Variants in LOC400499 observed in about 807,000 individuals in gnomAD.
At chr16:11,498,327 A>C in the LOC400499 span, among the ~76,000 whole-genome samples, 1 of 152,008 alleles carries the variant, frequency 6.6e-6, no homozygotes, top group Non-Finnish European at 1.5e-5. Flanking sequence ...CTAAAAATAC[A>C]AAAAAATTAG....
At chr16:11,452,398 C>A in the LOC400499 span, among the ~76,000 whole-genome samples, 1 of 152,042 alleles carries the variant, frequency 6.6e-6, no homozygotes, top group Non-Finnish European at 1.5e-5. Flanking sequence ...GCCACTGCTG[C>A]GGGAGGCTAG....
At chr16:11,431,166 A>G in the LOC400499 span, 1 of 398,988 alleles carries the variant, frequency 2.5e-6, no homozygotes, top group Non-Finnish European at 4.4e-6. Context: ...TCCATTCCTC[A>G]GATGCCTTGA....
chr16:11,461,531 G>A, the LOC400499 span, among the ~76,000 whole-genome samples: 23 of 152,290 alleles, frequency 1.5e-4, no homozygotes, highest in Middle Eastern at 3.4e-3. Context: ...CAAAAATAAA[G>A]TAGAATAAAA....
At chr16:11,450,805 T>G in the LOC400499 span, 3 of 1,531,980 alleles carry the variant, frequency 2.0e-6, no homozygotes, top group African/African-American at 1.4e-5. Context: ...CCATGGACTA[T>G]CCAGGTTCAA....
At chr16:11,422,290 T>C in the LOC400499 span, among the ~76,000 whole-genome samples, 1 of 152,122 alleles carries the variant, frequency 6.6e-6, no homozygotes, top group Non-Finnish European at 1.5e-5. Context: ...TAATCCCACC[T>C]ACCTGGTGGG....
chr16:11,400,998 G>T, the LOC400499 span, among the ~76,000 whole-genome samples: 1 of 152,154 alleles, frequency 6.6e-6, no homozygotes, highest in Non-Finnish European at 1.5e-5. Context: ...AATCAGAGAC[G>T]CCTGTACCTG....
the LOC400499 span, among the ~76,000 whole-genome samples, chr16:11,525,921 G>C: frequency 1.1e-4 from 16 of 152,284 alleles, no homozygotes; most frequent in East Asian, 1.9e-3. Flanking sequence ...TCTTCAATCA[G>C]ATCCTACTCA....
the LOC400499 span, chr16:11,488,971 T>G: frequency 2.5e-6 from 1 of 395,798 alleles, no homozygotes; most frequent in Non-Finnish European, 4.4e-6. Flanking sequence ...AGTCCTGCAA[T>G]TCCCACGCAC....
chr16:11,399,250 G>A, the LOC400499 span: 107,853 of 982,566 alleles, frequency 0.11, 6,646 homozygotes, highest in Non-Finnish European at 0.12. Flanking sequence ...ATCTCGGGCC[G>A]TTCCCCTTGC....
the LOC400499 span, chr16:11,387,183 C>T: frequency 1.9e-5 from 23 of 1,232,272 alleles, no homozygotes; most frequent in Non-Finnish European, 2.1e-5. Flanking sequence ...CCAGACAGCT[C>T]TCGGAGCGGC....
chr16:11,518,067 G>C, the LOC400499 span, among the ~76,000 whole-genome samples: 1 of 152,134 alleles, frequency 6.6e-6, no homozygotes, highest in Non-Finnish European at 1.5e-5. Flanking sequence ...TCCCAGAATA[G>C]CAAGTGGCAG....
chr16:11,444,337 G>A, the LOC400499 span, among the ~76,000 whole-genome samples: 2 of 152,146 alleles, frequency 1.3e-5, no homozygotes, highest in Non-Finnish European at 2.9e-5. Flanking sequence ...GGTCAAGGCT[G>A]CAGTGAGTGA....
At chr16:11,489,947 C>T in the LOC400499 span, among the ~76,000 whole-genome samples, 6 of 152,184 alleles carry the variant, frequency 3.9e-5, no homozygotes, top group African/African-American at 9.7e-5. Context: ...TTGCTTCTAA[C>T]GGCAAAAGAC....
At chr16:11,384,735 G>A in the LOC400499 span, among the ~76,000 whole-genome samples, 4 of 152,202 alleles carry the variant, frequency 2.6e-5, no homozygotes, top group East Asian at 7.7e-4. Context: ...GAGGCTAGAT[G>A]AGGAGTTGAG....
chr16:11,401,719 T>C, the LOC400499 span, among the ~76,000 whole-genome samples: 1 of 152,146 alleles, frequency 6.6e-6, no homozygotes, highest in Non-Finnish European at 1.5e-5. Flanking sequence ...TGCTTCAATT[T>C]CGTCATCTGA....
chr16:11,429,581 C>T, the LOC400499 span, among the ~76,000 whole-genome samples: 4 of 152,102 alleles, frequency 2.6e-5, no homozygotes, highest in African/African-American at 9.7e-5. Context: ...TCGAGTGATT[C>T]TCGTGCCTCA....
At chr16:11,493,182 G>T in the LOC400499 span, among the ~76,000 whole-genome samples, 3 of 152,170 alleles carry the variant, frequency 2.0e-5, no homozygotes, top group Admixed American at 6.5e-5. Context: ...GGAGGTAGTG[G>T]TCCAGGGATT....
the LOC400499 span, among the ~76,000 whole-genome samples, chr16:11,463,054 A>G: frequency 0.75 from 114,455 of 152,106 alleles, 43,642 homozygotes; most frequent in Admixed American, 0.8. Flanking sequence ...AGTACAACCC[A>G]AAGTCCTTGT....
chr16:11,517,408 C>A, the LOC400499 span, among the ~76,000 whole-genome samples: 1 of 152,156 alleles, frequency 6.6e-6, no homozygotes, highest in Admixed American at 6.5e-5. Context: ...GCTATTGAAC[C>A]CAGGAAGGTA....
Sources: allele counts gnomAD v4.1 joint callset (sites outside exome capture counted in the v4.1 genomes callset), GRCh38; gene constraint gnomAD v4.1.1; transcripts MANE v1.5.